Variants in MACF1 observed in about 807,000 individuals in gnomAD.
MACF1 encodes microtubule actin crosslinking factor 1.
A neutral mutation model predicts 854.8 loss-of-function variants in MACF1; 193 were observed. The ratio of observed to expected loss-of-function variants is 0.23; its 90% confidence interval spans 0.20 to 0.25. MACF1 has a LOEUF of 0.25. MACF1 is among the 10% of genes least tolerant of loss of function. The pLI, the probability that MACF1 is intolerant of heterozygous loss-of-function variation, is 1.00. For synonymous variants in MACF1, 3,185 were observed against 3,226.7 expected (o/e 0.99, Z 0.44); for missense variants, 7,722 against 8,929.1 (o/e 0.86, Z 5.45).
chr1:39,203,654 A>G (rs548402176), upstream of MACF1, among the ~76,000 whole-genome samples: 1 of 152,196 alleles, frequency 6.6e-6, no homozygotes, highest in South Asian at 2.1e-4. Flanking sequence ...CTAGTTGTAT[A>G]GTTTTGCTTT....
At chr1:39,153,856 T>C (rs1278567866) in intron 2 of MACF1, among the ~76,000 whole-genome samples, 1 of 152,172 alleles carries the variant, frequency 6.6e-6, no homozygotes, top group Non-Finnish European at 1.5e-5. Flanking sequence ...TCAACGCTTC[T>C]CTCCACCAGA....
At chr1:39,144,167 G>A (rs992705101) in intron 2 of MACF1, among the ~76,000 whole-genome samples, 7 of 142,750 alleles carry the variant, frequency 4.9e-5, no homozygotes, top group Non-Finnish European at 6.0e-5. Flanking sequence ...TGCAACTTCC[G>A]CCTCCCAGGT....
chr1:39,325,803 T>C (rs1646599389), intron 35 of MACF1, among the ~76,000 whole-genome samples: 3 of 152,132 alleles, frequency 2.0e-5, no homozygotes, highest in Admixed American at 6.5e-5. Context: ...TATTTTCTCT[T>C]TGAAATAGGT....
chr1:39,441,084 G>A lies in MACF1; in HGVS notation c.18529G>A (p.Gly6177Arg). ...ILGADLIFAC[G>R]ETEKPEVRKS... ...TGGAGCAGATTTGATTTTTGCCTGTGGAGAAACTGAGAAGCCTGAAGTGAG... is the reference window on the plus strand; with the variant it reads ...TGGAGCAGATTTGATTTTTGCCTGTAGAGAAACTGAGAAGCCTGAAGTGAG... Residue 6177 changes from glycine (G) to arginine (R), a missense_variant, in exon 73 of 101, where the codon GGA becomes AGA. By Grantham distance (125) the Gly-to-Arg change is moderately radical. This residue lies in a region of MACF1 where 2,807 missense variants were observed against 3,235.8 expected (regional missense o/e 0.87). Transcript: ENST00000564288. The A allele has an allele frequency of 6.2e-7, 1 of 1,614,206 alleles. No individual in the cohort carries two copies. The highest frequency in any genetic ancestry group is 1.1e-5 in the South Asian group (1 of 91,082).
intron 87 of MACF1, 135 bp from the exon 88 acceptor site, chr1:39,453,572 A>G: frequency 2.8e-6 from 2 of 716,762 alleles, no homozygotes; most frequent in Non-Finnish European, 4.7e-6. Context: ...ATAAATAACT[A>G]TACAGGCTTT....
At chr1:39,380,517 A>G (rs974110412) in intron 55 of MACF1, 144 bp downstream of exon 55, 7 of 815,912 alleles carry the variant, frequency 8.6e-6, no homozygotes, top group African/African-American at 3.5e-5. Flanking sequence ...GGGCCAGAGC[A>G]TGAGCCTGAA....
intron 1 of MACF1, among the ~76,000 whole-genome samples, chr1:39,206,273 T>C (rs1316094548): frequency 1.3e-5 from 2 of 152,218 alleles, no homozygotes; most frequent in Non-Finnish European, 2.9e-5. Context: ...TGGTGGTGTT[T>C]TTAAAAAAGC....
intron 70 of MACF1, chr1:39,436,553 C>T (rs1297163249): frequency 2.7e-6 from 4 of 1,464,178 alleles, no homozygotes; most frequent in Admixed American, 1.7e-5. Flanking sequence ...GAGGTCATTA[C>T]CTGTAAGGGA....
chr1:39,447,435 A>C lies in MACF1; in HGVS notation c.19609A>C (p.Lys6537Gln). 6.2e-7 allele frequency: 1 copy of C among 1,613,902 alleles called. No individual in the cohort carries two copies. Among genetic ancestry groups the C allele is most frequent in the Non-Finnish European group, 8.5e-7 (1 of 1,179,950 alleles). The part of the protein sequence containing the change: ...VSSKMEERKS[K>Q]LEEALNLATE... ...GTGTGTTTTACTTGAAATTCAGTCA[A>C]AGCTGGAAGAGGCCCTCAACTTGGC... The change falls in exon 81 of 101, where the codon AAG (lysine) becomes CAG (glutamine). Residue 6537 changes from lysine to glutamine, a missense_variant. Physicochemically the swap from Lys to Gln is moderately conservative, Grantham distance 53. Around this residue, in one of 15 missense-constraint regions of MACF1, gnomAD observed 729 missense variants for 900.5 expected, o/e 0.81. Coordinates refer to ENST00000564288, the MANE Select transcript of MACF1 (RefSeq NM_001394062.1).
At chr1:39,291,050 C>T (rs1237223184) in intron 15 of MACF1, among the ~76,000 whole-genome samples, 1 of 151,976 alleles carries the variant, frequency 6.6e-6, no homozygotes, top group African/African-American at 2.4e-5. Context: ...CCAGTCACTG[C>T]AACCTCTGAC....
intron 1 of MACF1, among the ~76,000 whole-genome samples, chr1:39,210,269 G>C (rs1284773251): frequency 1.3e-5 from 2 of 151,936 alleles, no homozygotes; most frequent in Non-Finnish European, 2.9e-5. Flanking sequence ...AAGGAACTCA[G>C]ATATTTGAAT....
chr1:39,128,861 G>A (rs1642927632), intron 2 of MACF1, among the ~76,000 whole-genome samples: 2 of 152,146 alleles, frequency 1.3e-5, no homozygotes, highest in Admixed American at 1.3e-4. Context: ...ATAACTCATA[G>A]CATTAATTTC....
intron 35 of MACF1, among the ~76,000 whole-genome samples, chr1:39,326,908 TGAAGTC>T (rs1485354532): frequency 6.6e-6 from 1 of 152,138 alleles, no homozygotes; most frequent in African/African-American, 2.4e-5. Flanking sequence ...AGTGGATTCT[TGAAGTC>T]TAAGATTTCA....
At chr1:39,406,275 A>G (rs1201884321) in intron 58 of MACF1, among the ~76,000 whole-genome samples, 1 of 152,236 alleles carries the variant, frequency 6.6e-6, no homozygotes, top group African/African-American at 2.4e-5. Flanking sequence ...TCATAGTCGT[A>G]GGAATGCTCC....
chr1:39,332,623 G>A lies in MACF1; in HGVS notation c.6035G>A (p.Arg2012Lys). 1 of 1,613,960 alleles carries A rather than the reference G, an allele frequency of 6.2e-7. No individual in the cohort carries two copies. The highest frequency in any genetic ancestry group is 8.5e-7 in the Non-Finnish European group (1 of 1,179,966). ...AAAGTGGTTGAAATTGGGCATCAAA[G>A]GCAAAAAACTCCTGAGGGATTGCAA... is the stretch of plus-strand genomic sequence containing the variant. Reference protein sequence around the residue: ...PPKVVEIGHQRQKTPEGLQES... With the variant: ...PPKVVEIGHQKQKTPEGLQES... Residue 2012 changes from arginine to lysine, a missense_variant, in exon 37 of 101, where the codon AGG becomes AAG. This residue lies in a region of MACF1 where 1,531 missense variants were observed against 1,601.6 expected (regional missense o/e 0.96). Transcript: ENST00000564288.
chr1:39,089,292 G>A (rs1641748170), intron 2 of MACF1, among the ~76,000 whole-genome samples: 1 of 152,150 alleles, frequency 6.6e-6, no homozygotes, highest in African/African-American at 2.4e-5. Flanking sequence ...CTAAGGATTG[G>A]ATCCCTCTCT....
At position 39,432,645 on chromosome 1, in the gene MACF1, G is replaced by A. The variant is rs1428135795; in HGVS notation, c.17448G>A (p.Gln5816=). ...LEQDQTTAQL[Q]VQKAFSIDII... ...AGGACCAGACCACAGCTCAGCTTCA[G>A]GTACAGAAGGTACGTGCCCACTCTT... The change falls in exon 67 of 101, where the codon CAG becomes CAA. Residue 5816 remains glutamine (Q), a synonymous_variant. Transcript: ENST00000564288. 6.2e-7 allele frequency: 1 copy of A among 1,613,722 alleles called. No homozygotes were observed. Among genetic ancestry groups the A allele is most frequent in the Non-Finnish European group, 8.5e-7 (1 of 1,179,874 alleles).
intron 58 of MACF1, among the ~76,000 whole-genome samples, chr1:39,404,141 A>G (rs112188335): frequency 8.0e-4 from 110 of 138,108 alleles, no homozygotes; most frequent in African/African-American, 2.4e-3. Context: ...AAATAAATAA[A>G]TAAGTAAGTA....
intron 2 of MACF1, among the ~76,000 whole-genome samples, chr1:39,174,381 C>T (rs1376701809): frequency 2.6e-5 from 4 of 152,108 alleles, no homozygotes; most frequent in African/African-American, 7.2e-5. Flanking sequence ...AGAGCTTATC[C>T]CAGTAAATAT....
Sources: allele counts gnomAD v4.1 joint callset (sites outside exome capture counted in the v4.1 genomes callset), GRCh38; gene constraint gnomAD v4.1.1; regional missense constraint gnomAD v4.1.1; transcripts MANE v1.5; gene names NCBI Gene and HGNC (gene_info 2026-07-23, HGNC 2026-07-21).